Variants in MEGF11 observed in about 807,000 individuals in gnomAD.
MEGF11 encodes multiple epidermal growth factor-like domains protein 11.
In MEGF11, 126 loss-of-function variants were observed where a neutral mutation model predicts 146.6. That is an observed-to-expected ratio of 0.86 (90% confidence interval 0.74 to 1.00). The LOEUF (loss-of-function observed/expected upper bound fraction) is 1.00. Ranked by LOEUF, MEGF11 falls within the 50% of genes least tolerant of loss-of-function variation. The pLI, the probability that MEGF11 is intolerant of heterozygous loss-of-function variation, is 0.00. For synonymous variants in MEGF11, 532 were observed against 583.4 expected (o/e 0.91, Z 1.27); for missense variants, 1,509 against 1,521.2 (o/e 0.99, Z 0.13).
chr15:65,984,147 T>A (rs1021489141), intron 5 of MEGF11, among the ~76,000 whole-genome samples: 7 of 152,174 alleles, frequency 4.6e-5, no homozygotes, highest in Non-Finnish European at 7.3e-5. Flanking sequence ...TGAGTGAGTC[T>A]CACCCTATAT....
chr15:66,032,955 C>T (rs867705658), intron 5 of MEGF11, among the ~76,000 whole-genome samples: 2 of 151,786 alleles, frequency 1.3e-5, no homozygotes, highest in Non-Finnish European at 2.9e-5. Flanking sequence ...GTGGCAGGTG[C>T]CTATAGTGCC....
At chr15:65,948,466 C>G (rs1214698504) in intron 10 of MEGF11, among the ~76,000 whole-genome samples, 1 of 152,178 alleles carries the variant, frequency 6.6e-6, no homozygotes, top group Admixed American at 6.5e-5. Flanking sequence ...CATTATTAAT[C>G]CATCTCACCA....
intron 9 of MEGF11, among the ~76,000 whole-genome samples, chr15:65,963,405 C>CCACATATATT (rs1190940862): frequency 1.3e-5 from 2 of 151,108 alleles, no homozygotes; most frequent in African/African-American, 4.9e-5. Context: ...GCAGGGCCAG[C>CCACATATATT]CACATATATT....
At chr15:66,156,627 T>G (rs926438537) in intron 1 of MEGF11, among the ~76,000 whole-genome samples, 1 of 151,822 alleles carries the variant, frequency 6.6e-6, no homozygotes, top group African/African-American at 2.4e-5. Context: ...GTTTGGAGCC[T>G]TCTTTCCTCT....
At chr15:66,180,997 G>T (rs1030124506) in intron 1 of MEGF11, among the ~76,000 whole-genome samples, 1 of 152,212 alleles carries the variant, frequency 6.6e-6, no homozygotes, top group East Asian at 1.9e-4. Flanking sequence ...CATCTTATGC[G>T]ATTTTTAACA....
intron 10 of MEGF11, among the ~76,000 whole-genome samples, chr15:65,949,320 C>T (rs765558504): frequency 3.9e-5 from 6 of 152,144 alleles, no homozygotes; most frequent in Non-Finnish European, 7.3e-5. Context: ...TCTTGCGCCC[C>T]GCTCCCACCT....
chr15:66,198,561 C>G (rs557244709), intron 1 of MEGF11, among the ~76,000 whole-genome samples: 1 of 152,348 alleles, frequency 6.6e-6, no homozygotes, highest in African/African-American at 2.4e-5. Flanking sequence ...TCTCAGCTCA[C>G]TGTAACCTCT....
intron 5 of MEGF11, among the ~76,000 whole-genome samples, chr15:65,995,962 C>T (rs967654999): frequency 2.0e-5 from 3 of 152,166 alleles, no homozygotes; most frequent in Non-Finnish European, 2.9e-5. Flanking sequence ...GATGAGCAAA[C>T]TGAGGCACAG....
At chr15:66,036,073 G>A (rs2083714770) in intron 5 of MEGF11, among the ~76,000 whole-genome samples, 1 of 152,210 alleles carries the variant, frequency 6.6e-6, no homozygotes, top group South Asian at 2.1e-4. Context: ...AGGCTGATCA[G>A]CCTGTGCAGG....
chr15:66,060,955 G>T (rs566535325), intron 5 of MEGF11, among the ~76,000 whole-genome samples: 1 of 152,218 alleles, frequency 6.6e-6, no homozygotes, highest in African/African-American at 2.4e-5. Flanking sequence ...GACCCATGGC[G>T]TTGGCTCCTA....
chr15:66,195,520 G>A (rs2090986588), intron 1 of MEGF11, among the ~76,000 whole-genome samples: 1 of 152,224 alleles, frequency 6.6e-6, no homozygotes, highest in Non-Finnish European at 1.5e-5. Context: ...ATCCCACAGG[G>A]CAAGAGAGAG....
intron 5 of MEGF11, among the ~76,000 whole-genome samples, chr15:66,016,098 C>T (rs1349837446): frequency 6.6e-6 from 1 of 152,050 alleles, no homozygotes; most frequent in Admixed American, 6.5e-5. Flanking sequence ...ATAGAATTAT[C>T]TTTTCCTTCT....
chr15:66,151,725 G>A (rs903862241), intron 1 of MEGF11, among the ~76,000 whole-genome samples: 1 of 152,176 alleles, frequency 6.6e-6, no homozygotes, highest in African/African-American at 2.4e-5. Flanking sequence ...GTAGCTGTGG[G>A]AGGGTCATCC....
chr15:66,154,129 G>T (rs1312029845), intron 1 of MEGF11, among the ~76,000 whole-genome samples: 1 of 152,254 alleles, frequency 6.6e-6, no homozygotes, highest in East Asian at 1.9e-4. Context: ...CCAATGAGCA[G>T]CTTTGCGTGA....
intron 5 of MEGF11, among the ~76,000 whole-genome samples, chr15:65,994,710 G>C (rs1321973757): frequency 1.3e-5 from 2 of 152,200 alleles, no homozygotes; most frequent in East Asian, 3.9e-4. Context: ...CCTGGGAGTT[G>C]ATGCTGCACC....
At chr15:65,965,598 TTCTTTTTTTTTTTTC>T in intron 8 of MEGF11, among the ~76,000 whole-genome samples, 1 of 24,714 alleles carries the variant, frequency 4.0e-5, no homozygotes, top group East Asian at 1.5e-3. Flanking sequence ...CTTTCTTTCT[TTCTTTTTTTTTTTTC>T]TTTTTTTTTT....
chr15:66,174,098 C>G (rs8029386), intron 1 of MEGF11, among the ~76,000 whole-genome samples: 1 of 152,034 alleles, frequency 6.6e-6, no homozygotes, highest in African/African-American at 2.4e-5. Context: ...TCATTCTGGC[C>G]TGGTCTCAAT....
At chr15:65,960,499 C>G (rs920724207) in intron 9 of MEGF11, among the ~76,000 whole-genome samples, 2 of 152,230 alleles carry the variant, frequency 1.3e-5, no homozygotes, top group African/African-American at 2.4e-5. Flanking sequence ...GAGCACTCTT[C>G]TCTTTAGGTT....
intron 24 of MEGF11, chr15:65,902,139 T>A (rs999800268): frequency 1.3e-5 from 2 of 152,224 alleles, no homozygotes; most frequent in Non-Finnish European, 2.9e-5. Flanking sequence ...GGATATCCCA[T>A]GACTGAGTTA....
Sources: gnomAD v4.1 joint callset for allele counts (sites outside exome capture counted in the v4.1 genomes callset) on GRCh38, gnomAD v4.1.1 for gene constraint, MANE v1.5 for transcripts, NCBI Gene and HGNC (gene_info 2026-07-23, HGNC 2026-07-21) for gene names.